Variants in TMEM68 observed in about 807,000 individuals in gnomAD.
The protein encoded by TMEM68 is DGAT1/2-independent enzyme synthesizing storage lipids.
In TMEM68, 25 loss-of-function variants were observed where a neutral mutation model predicts 36.9. That is an observed-to-expected ratio of 0.68 (90% CI 0.49 to 0.95). The LOEUF (loss-of-function observed/expected upper bound fraction) is 0.95, where lower values mean the gene tolerates loss of function less well. TMEM68 is among the 40% of genes least tolerant of loss of function. The probability of loss-of-function intolerance (pLI) is 0.00; values close to 1 mark genes in which losing one functional copy is unlikely to be tolerated. For missense variants in TMEM68, 333 were observed against 392.0 expected (o/e 0.85, Z 1.27); for synonymous variants, 131 against 124.4 (o/e 1.05, Z -0.35).
intron 1 of TMEM68, among the ~76,000 whole-genome samples, chr8:55,765,930 T>C (rs1810949380): frequency 1.3e-5 from 2 of 152,180 alleles, no homozygotes; most frequent in Admixed American, 6.5e-5. Context: ...CTATGTACCC[T>C]AATATGTACC....
At chr8:55,750,541 CTT>C (rs10674110) in intron 5 of TMEM68, among the ~76,000 whole-genome samples, 1 of 137,562 alleles carries the variant, frequency 7.3e-6, no homozygotes, top group Non-Finnish European at 1.5e-5. Context: ...ATTCTCCAGT[CTT>C]TTTTTTTTTT....
At chr8:55,756,063 G>C (rs1439590840) in intron 4 of TMEM68, among the ~76,000 whole-genome samples, 181 bp downstream of exon 4, 1 of 151,972 alleles carries the variant, frequency 6.6e-6, no homozygotes, top group Non-Finnish European at 1.5e-5. Flanking sequence ...TTTATTTTTA[G>C]ATATATTGCC....
chr8:55,765,128 T>A lies in TMEM68; in HGVS notation c.-114-1148A>T, dbSNP rs534387986. On this transcript the variant is annotated intron_variant, in intron 1 of 7. Coordinates refer to ENST00000434581, the MANE Select transcript of TMEM68 (RefSeq NM_001286657.2). The stretch of plus-strand genomic sequence containing the variant: ...TATAATTTACCCATGTTTGATCATT[T>A]AGAATGCAACATAGCAACCATCCAT... Among the ~76,000 whole-genome samples the A allele has an allele frequency of 7.2e-5, 11 of 152,302 alleles. No homozygotes were observed. The South Asian group carries it at 2.3e-3, about 32-fold the overall frequency.
intron 3 of TMEM68, chr8:55,762,068 A>G (rs1287587636): frequency 6.6e-6 from 1 of 152,240 alleles, no homozygotes; most frequent in Non-Finnish European, 1.5e-5. Context: ...AGAACCACCA[A>G]TCATTAAGTA....
chr8:55,757,366 C>T (rs1810637982), intron 3 of TMEM68, among the ~76,000 whole-genome samples: 1 of 152,084 alleles, frequency 6.6e-6, no homozygotes, highest in African/African-American at 2.4e-5. Flanking sequence ...CTTAAAGTCC[C>T]ACGGTAGGCT....
intron 3 of TMEM68, among the ~76,000 whole-genome samples, chr8:55,758,409 A>C (rs1414216581): frequency 6.6e-6 from 1 of 152,228 alleles, no homozygotes; most frequent in Admixed American, 6.5e-5. Flanking sequence ...GAATTCAATA[A>C]AAAATATGAC....
intron 3 of TMEM68, 24 bp downstream of exon 3, chr8:55,762,611 A>C (rs1810830746): frequency 1.2e-6 from 2 of 1,613,754 alleles, no homozygotes; most frequent in Admixed American, 1.7e-5. Flanking sequence ...ATGGCAACAC[A>C]AAGGTGAAAG....
intron 1 of TMEM68, among the ~76,000 whole-genome samples, chr8:55,769,018 T>TAAAA (rs200493179): frequency 2.3e-4 from 19 of 82,092 alleles, no homozygotes; most frequent in African/African-American, 9.4e-4. Flanking sequence ...ACTCTGTCTT[T>TAAAA]AAAAAAAAAA....
chr8:55,758,677 G>A (rs1280702393), intron 3 of TMEM68, among the ~76,000 whole-genome samples: 1 of 152,194 alleles, frequency 6.6e-6, no homozygotes, highest in East Asian at 1.9e-4. Flanking sequence ...ATGGTGGCAT[G>A]TGCCTGTAGT....
At chr8:55,756,448 T>C (rs1810612012) in intron 3 of TMEM68, 37 bp from the exon 4 acceptor site, 1 of 1,522,652 alleles carries the variant, frequency 6.6e-7, no homozygotes. Context: ...TTAAAATATA[T>C]TCATTAATTC....
chr8:55,745,027 A>G, intron 6 of TMEM68, 34 bp downstream of exon 6: 2 of 1,353,250 alleles, frequency 1.5e-6, no homozygotes, highest in East Asian at 2.7e-5. Flanking sequence ...TAAAAATTAC[A>G]TTGTAATTTA....
chr8:55,751,623 C>A, intron 4 of TMEM68: 2 of 340,222 alleles, frequency 5.9e-6, no homozygotes, highest in Non-Finnish European at 1.1e-5. Context: ...AGACCATGAT[C>A]AAATCTATTT....
rs555566183 is a variant in TMEM68 at position 55,756,533 on chromosome 8, T to C, written c.326-122A>G. On this transcript the variant is annotated intron_variant, in intron 3 of 7. Transcript: ENST00000434581. ...ACTAGTCTTCCTGGTTCTCTTCCCC[T>C]TTCCCCCTTCTTCCCTCTCTTTCCT... The C allele has an allele frequency of 2.9e-5, 24 of 836,318 alleles. No individual in the cohort carries two copies. In the East Asian group the frequency reaches 4.1e-4, roughly 14 times the overall value. The allele number at this position is 836,318 out of a possible 1,614,324, so 51.8% of individuals were successfully genotyped here. A position where few individuals can be genotyped will look rare whatever the true frequency, so the allele number is the denominator to read the frequency against.
chr8:55,765,847 T>C (rs1784806450), intron 1 of TMEM68, among the ~76,000 whole-genome samples: 1 of 152,202 alleles, frequency 6.6e-6, no homozygotes, highest in Non-Finnish European at 1.5e-5. Context: ...TTAAGCAAGT[T>C]ACACCTCTCT....
intron 5 of TMEM68, among the ~76,000 whole-genome samples, chr8:55,749,120 C>T (rs561826923): frequency 2.0e-5 from 3 of 152,240 alleles, no homozygotes; most frequent in Non-Finnish European, 4.4e-5. Flanking sequence ...CTGCTATTTA[C>T]TTTACAATTA....
intron 4 of TMEM68, among the ~76,000 whole-genome samples, chr8:55,752,881 T>G (rs955123941): frequency 6.6e-6 from 1 of 151,938 alleles, no homozygotes; most frequent in East Asian, 1.9e-4. Flanking sequence ...TGTGCCACCA[T>G]GCCTGGCTGA....
chr8:55,761,963 T>C (rs1810806607), intron 3 of TMEM68: 1 of 152,160 alleles, frequency 6.6e-6, no homozygotes, highest in African/African-American at 2.4e-5. Flanking sequence ...AAACTAGATA[T>C]TGTTGGAATA....
chr8:55,771,682 C>T lies in TMEM68; in HGVS notation c.-115+1587G>A, dbSNP rs557739564. Among the ~76,000 whole-genome samples the T allele has an allele frequency of 2.6e-5, 4 of 152,196 alleles. No individual in the cohort carries two copies. In the East Asian group the frequency reaches 7.7e-4, roughly 29 times the overall value. ...TGAACACCCATTACCAGTACTTTTC[C>T]ATTTTACTTTTAGTATATAAGTCAC... is the stretch of plus-strand genomic sequence containing the variant. On this transcript the variant is annotated intron_variant, in intron 1 of 7. Transcript: ENST00000434581.
chr8:55,762,427 G>C, intron 3 of TMEM68: 2 of 917,724 alleles, frequency 2.2e-6, no homozygotes, highest in South Asian at 3.9e-5. Flanking sequence ...GTGGTTCTTT[G>C]TTTAATGGAA....
Sources: allele counts gnomAD v4.1 joint callset (sites outside exome capture counted in the v4.1 genomes callset), GRCh38; gene constraint gnomAD v4.1.1; transcripts MANE v1.5; gene names NCBI Gene and HGNC (gene_info 2026-07-23, HGNC 2026-07-21).